Variants in MED16 observed in about 807,000 individuals in gnomAD.
MED16 encodes the protein mediator complex subunit 16, also known as mediator of RNA polymerase II transcription subunit 16.
A neutral mutation model predicts 84.4 loss-of-function variants in MED16; 81 were observed. The ratio of observed to expected loss-of-function variants is 0.96; its 90% CI spans 0.80 to 1.15. MED16 has a LOEUF of 1.15. Among genes scored for constraint, MED16 ranks in the 50% most tolerant of loss-of-function variants. MED16 has a pLI of 0.00. For missense variants in MED16, 1,585 were observed against 1,245.9 expected, an observed-to-expected ratio of 1.27 and a Z score of -4.10; for synonymous variants, 897 against 552.2, an observed-to-expected ratio of 1.62 and a Z score of -8.76.
chr19:868,342 T>TGGCTCAGGGGC, intron 15 of MED16, 74 bp downstream of exon 15: 2 of 1,592,378 alleles, frequency 1.3e-6, no homozygotes, highest in South Asian at 2.2e-5. Flanking sequence ...AGCTGAGGGG[T>TGGCTCAGGGGC]AGCTGAGGAG....
At chr19:887,195 A>C (rs1251182004) in intron 4 of MED16, among the ~76,000 whole-genome samples, 1 of 152,160 alleles carries the variant, frequency 6.6e-6, no homozygotes, top group Non-Finnish European at 1.5e-5. Flanking sequence ...TTAAAAAAAA[A>C]CACTTCTTAT....
At chr19:883,386 G>A (rs1348120975) in intron 6 of MED16, among the ~76,000 whole-genome samples, 1 of 146,030 alleles carries the variant, frequency 6.8e-6, no homozygotes, top group Non-Finnish European at 1.5e-5. Context: ...TGGGTGAAGA[G>A]CTGGGCATGG....
At position 870,196 on chromosome 19, in the gene MED16, G is replaced by C. The variant is rs144329323; in HGVS notation, c.2315+841C>G. On this transcript the variant is annotated intron_variant, in intron 13 of 15. Coordinates refer to ENST00000325464, the MANE Select transcript of MED16 (RefSeq NM_005481.3). ...GATCTACGGCGAGGCCTGACATCCA[G>C]GGGGGCCAGAGACTAAGGGCAGAGG... is the stretch of plus-strand genomic sequence containing the variant. Among the ~76,000 whole-genome samples the C allele has an allele frequency of 2.3e-3, 346 of 152,254 alleles. 2 individuals carry two copies. The highest frequency in any genetic ancestry group is 7.9e-3 in the African/African-American group (327 of 41,548).
At chr19:877,925 TCACCTTCC>T in intron 8 of MED16, among the ~76,000 whole-genome samples, 2 of 120,418 alleles carry the variant, frequency 1.7e-5, no homozygotes, top group South Asian at 2.8e-4. Context: ...CCCCAGCAGC[TCACCTTCC>T]CGTGGTTGTC....
chr19:876,929 A>ACCTGCCACG lies in MED16; in HGVS notation c.1560+44_1560+45insCGTGGCAGG, dbSNP rs1568324682. ...CTGCCACGGGGCCCCCACCTGCCAC[A>ACCTGCCACG]GGGCCCCCACCTGCCACGGGGCCCC... On this transcript the variant is annotated intron_variant, in intron 9 of 15. Coordinates refer to ENST00000325464, the MANE Select transcript of MED16 (RefSeq NM_005481.3). 1.4e-5 allele frequency: 17 copies of ACCTGCCACG among 1,230,968 alleles called. No individual in the cohort carries two copies. The African/African-American group carries it at 1.5e-4, about 11-fold the overall frequency. 76.3% of individuals were successfully genotyped at this position (1,230,968 alleles called of 1,614,324 possible).
chr19:879,590 C>T (rs1179622048), intron 8 of MED16, among the ~76,000 whole-genome samples: 4 of 141,702 alleles, frequency 2.8e-5, no homozygotes, highest in African/African-American at 1.1e-4. Flanking sequence ...CCCAGCAGCT[C>T]ACCTTCCCGT....
rs554480555 is a variant in MED16 at position 884,757 on chromosome 19, A to T, written c.985+146T>A. ...GGCGCGCGGTCACACCCGAGATCCT[A>T]GCACTACTGGAGATCGAGGCGAGAC... On this transcript the variant is annotated intron_variant, in intron 6 of 15. Transcript: ENST00000325464. The T allele has an allele frequency of 4.2e-5, 27 of 648,760 alleles. No individual in the cohort carries two copies. In the African/African-American group the frequency reaches 4.3e-4, roughly 10 times the overall value. The allele number at this position is 648,760 out of a possible 1,614,324, so 40.2% of individuals were successfully genotyped here.
intron 7 of MED16, among the ~76,000 whole-genome samples, chr19:881,258 C>T (rs1005970871): frequency 3.3e-5 from 5 of 152,194 alleles, no homozygotes; most frequent in Non-Finnish European, 4.4e-5. Context: ...GGACACATGC[C>T]GCCTACCCAG....
At position 872,099 on chromosome 19, in the gene MED16, C is replaced by G; in HGVS notation, c.1925G>C (p.Gly642Ala). 6.2e-7 allele frequency: 1 copy of G among 1,606,410 alleles called. No homozygotes were observed. Among genetic ancestry groups the G allele is most frequent in the Non-Finnish European group, 8.5e-7 (1 of 1,176,426 alleles). The part of the protein sequence containing the change: ...LPNQGSLLRP[G>A]HSFLRDGTSL... ...GGTGCCGTCCCGCAGAAAGCTGTGG[C>G]CCGGCCTCAGCAGGGAACCCTGCCC... Residue 642 changes from glycine (G) to alanine (A), a missense_variant, in exon 12 of 16, where the codon GGC (glycine) becomes GCC (alanine). Gly to Ala is a moderately conservative substitution (Grantham distance 60). Transcript: ENST00000325464.
Position 873,538 on chromosome 19 carries a change from G to C in MED16, c.1816C>G (p.Leu606Val), listed in dbSNP as rs564738619. Reference sequence around the variant, plus strand: ...AGCGCCTGCAGTGTGTTCATGTCCAGCACAAATTCCTCCGTCTTGAGGTTG... The same window carrying C: ...AGCGCCTGCAGTGTGTTCATGTCCACCACAAATTCCTCCGTCTTGAGGTTG... The part of the protein sequence containing the change: ...MINLKTEEFV[L>V]DMNTLQALQQ... The change falls in exon 11 of 16, where the codon CTG becomes GTG. Residue 606 changes from leucine (L) to valine (V), a missense_variant. By Grantham distance (32) the Leu-to-Val change is conservative (BLOSUM62 1). Transcript: ENST00000325464. 1.2e-6 allele frequency: 2 copies of C among 1,612,236 alleles called. No individual in the cohort carries two copies. The highest frequency in any genetic ancestry group is 2.7e-5 in the African/African-American group (2 of 74,854).
chr19:889,702 C>G lies in MED16; in HGVS notation c.383G>C (p.Gly128Ala), dbSNP rs775406899. The change falls in exon 4 of 16, where the codon GGG (glycine) becomes GCG (alanine). Residue 128 changes from glycine (G) to alanine (A), a missense_variant. Transcript: ENST00000325464. ...WESSVGSLVE[G>A]DPIVALSWLH... ...CCAGGACAGGGCCACAATGGGGTCC[C>G]CCTCCACTAGGCTGCCCACTGAGCT... is the stretch of plus-strand genomic sequence containing the variant. The G allele has an allele frequency of 6.2e-6, 10 of 1,613,858 alleles. No individual in the cohort carries two copies. The highest frequency in any genetic ancestry group is 8.5e-6 in the Non-Finnish European group (10 of 1,179,980).
chr19:889,560 AGAG>A, intron 4 of MED16, 75 bp downstream of exon 4: 2 of 1,511,166 alleles, frequency 1.3e-6, no homozygotes, highest in East Asian at 2.3e-5. Flanking sequence ...CTGGTGATGG[AGAG>A]GAGAGGGGCT....
chr19:881,706 T>G lies in MED16; in HGVS notation c.994A>C (p.Lys332Gln). 5 of 1,609,216 alleles carry G rather than the reference T, an allele frequency of 3.1e-6. No homozygotes were observed. The highest frequency in any genetic ancestry group is 4.2e-6 in the Non-Finnish European group (5 of 1,177,086). The change falls in exon 7 of 16, where the codon AAA (lysine) becomes CAA (glutamine). Residue 332 changes from lysine to glutamine, a missense_variant. Transcript: ENST00000325464. ...CGCCATTTGAGAATTGTGGGCTGTT[T>G]GTCGCCAACTGAAAAATCAGGGGCA... ...FQQISPVVGDKQPTILKWRIL... is the reference protein window; with the variant it reads ...FQQISPVVGDQQPTILKWRIL...
At chr19:877,693 CT>C (rs1203496263) in intron 8 of MED16, among the ~76,000 whole-genome samples, 2 of 137,432 alleles carry the variant, frequency 1.5e-5, no homozygotes, top group Non-Finnish European at 3.2e-5. Context: ...TCGCCTTCCC[CT>C]GGTTGTCAAT....
At position 877,066 on chromosome 19, in the gene MED16, C is replaced by T; in HGVS notation, c.1468G>A (p.Asp490Asn). ...CTGGGCTGCACGTGCAGCAGGATGT[C>T]CCACCAGTCGTAGCCGGTCACCATG... ...YCMVTGYDWW[D>N]ILLHVQPSMV... The change falls in exon 9 of 16, where the codon GAC becomes AAC. Residue 490 changes from aspartate (D) to asparagine (N), a missense_variant. Transcript: ENST00000325464. 1 of 1,612,734 alleles carries T rather than the reference C, an allele frequency of 6.2e-7. No individual in the cohort carries two copies. The highest frequency in any genetic ancestry group is 8.5e-7 in the Non-Finnish European group (1 of 1,179,914).
chr19:886,102 T>A lies in MED16; in HGVS notation c.547A>T (p.Thr183Ser), dbSNP rs781169860. 8 of 1,589,038 alleles carry A rather than the reference T, an allele frequency of 5.0e-6. No individual in the cohort carries two copies. The highest frequency in any genetic ancestry group is 1.7e-4 in the Middle Eastern group (1 of 6,030). Residue 183 changes from threonine (T) to serine (S), a missense_variant, in exon 5 of 16, where the codon ACG becomes TCG. Physicochemically the swap from Thr to Ser is moderately conservative, Grantham distance 58. Coordinates refer to ENST00000325464, the MANE Select transcript of MED16 (RefSeq NM_005481.3). ...GACACGGTGACCAGGCCGCTGACCG[T>A]CACCGCGATCCAGCCCTCCATGGGC... ...GKPMEGWIAV[T>S]VSGLVTVSLL...
intron 8 of MED16, among the ~76,000 whole-genome samples, chr19:877,890 TGCCCACCAGCCCCAGCCCCACG>T (rs2036294698): frequency 2.1e-5 from 3 of 141,970 alleles, no homozygotes; most frequent in African/African-American, 8.0e-5. Context: ...TGGTTGTCAA[TGCCCACCAGCCCCAGCCCCACG>T]TGCCCCAGCA....
chr19:877,305 C>T (rs559303967), intron 8 of MED16, 125 bp from the exon 9 acceptor site: 13 of 808,810 alleles, frequency 1.6e-5, no homozygotes, highest in Admixed American at 4.8e-5. Context: ...CGTGTGTGGG[C>T]CTGTGTGCGC....
chr19:875,934 C>CA (rs1395204218), intron 9 of MED16, among the ~76,000 whole-genome samples: 1 of 152,186 alleles, frequency 6.6e-6, no homozygotes, highest in Non-Finnish European at 1.5e-5. Context: ...CAACGTAGGA[C>CA]ACCCCATCTC....
Sources: allele counts gnomAD v4.1 joint callset (sites outside exome capture counted in the v4.1 genomes callset), GRCh38; gene constraint gnomAD v4.1.1; transcripts MANE v1.5; gene names NCBI Gene and HGNC (gene_info 2026-07-23, HGNC 2026-07-21).